SLA2: variants seen among roughly 807,000 people sequenced by gnomAD.
The protein encoded by SLA2 is Src like adaptor 2, also known as src-like-adapter 2.
SLA2 carries 22 observed loss-of-function variants against 27.3 expected under a neutral mutation model. The observed-to-expected ratio is 0.81, with a 90% CI of 0.58 to 1.15. The LOEUF (loss-of-function observed/expected upper bound fraction) is 1.15, where lower values mean the gene tolerates loss of function less well. SLA2 is among the 50% of genes most tolerant of loss of function. The probability of loss-of-function intolerance (pLI) is 0.00; values close to 1 mark genes in which losing one functional copy is unlikely to be tolerated. For synonymous variants in SLA2, 131 were observed against 137.8 expected (o/e 0.95, Z 0.34); for missense variants, 304 against 322.2 (o/e 0.94, Z 0.43).
intron 5 of SLA2, among the ~76,000 whole-genome samples, chr20:36,627,536 G>T (rs2039351536): frequency 6.6e-6 from 1 of 152,216 alleles, no homozygotes. Context: ...ACTGACAGTG[G>T]ACAGAGGTGA....
At chr20:36,614,116 A>G (rs2039176437) in intron 7 of SLA2, 130 bp from the exon 8 acceptor site, 7 of 1,478,306 alleles carry the variant, frequency 4.7e-6, no homozygotes, top group Non-Finnish European at 6.5e-6. Context: ...CCTGTTCCCT[A>G]TCAGATCAGC....
At position 36,613,806 on chromosome 20, in the gene SLA2, A is replaced by G; in HGVS notation, c.*60T>C. On this transcript the variant is annotated 3_prime_UTR_variant, in exon 8 of 8. Coordinates refer to ENST00000262866, the MANE Select transcript of SLA2 (RefSeq NM_032214.4). Reference sequence around the variant, plus strand: ...CAGCCTTGCCTCTGGGGTGCCCAGGAGGCTGAATTGGGGTTCTAGGTGTGC... The same window carrying G: ...CAGCCTTGCCTCTGGGGTGCCCAGGGGGCTGAATTGGGGTTCTAGGTGTGC... The G allele has an allele frequency of 4.4e-6, 5 of 1,134,300 alleles. No homozygotes were observed. The highest frequency in any genetic ancestry group is 2.7e-5 in the South Asian group (2 of 73,106). 70.3% of individuals were successfully genotyped at this position (1,134,300 alleles called of 1,614,324 possible).
intron 2 of SLA2, among the ~76,000 whole-genome samples, chr20:36,636,654 G>A (rs1195717109): frequency 9.6e-5 from 12 of 124,744 alleles, no homozygotes; most frequent in Non-Finnish European, 1.6e-4. Flanking sequence ...ATATATATAT[G>A]GTTGCAAGAC....
chr20:36,621,001 G>C (rs1006265359), intron 5 of SLA2: 8 of 364,826 alleles, frequency 2.2e-5, no homozygotes, highest in South Asian at 7.3e-5. Context: ...AGGAAACTTT[G>C]GAGGTAGTAG....
chr20:36,614,604 G>A (rs939049945), intron 6 of SLA2, 167 bp from the exon 7 acceptor site: 2 of 985,262 alleles, frequency 2.0e-6, no homozygotes, highest in African/African-American at 3.5e-5. Context: ...TGTAGTCAAA[G>A]GTCTTTCTGG....
At chr20:36,618,663 T>C (rs2039242737) in intron 5 of SLA2, among the ~76,000 whole-genome samples, 1 of 151,766 alleles carries the variant, frequency 6.6e-6, no homozygotes, top group Non-Finnish European at 1.5e-5. Context: ...CCCAGCACTT[T>C]GGGAGGCAGA....
rs201706345 is a variant in SLA2, at chr20:36,613,999, G to A, written c.666-13C>T. On this transcript the variant is annotated splice_polypyrimidine_tract_variant and intron_variant, in intron 7 of 7. Transcript: ENST00000262866. ...AAACAGGAGGGAGCTGTGGACAAAG[G>A]AAGATAATTGGGTCAAGAAGCCTCT... 1.2e-6 allele frequency: 2 copies of A among 1,613,062 alleles called. No homozygotes were observed. The highest frequency in any genetic ancestry group is 1.7e-6 in the Non-Finnish European group (2 of 1,179,750).
chr20:36,615,897 A>C (rs1285552252), intron 5 of SLA2, among the ~76,000 whole-genome samples: 1 of 152,216 alleles, frequency 6.6e-6, no homozygotes, highest in East Asian at 1.9e-4. Context: ...AAAAGTCAAA[A>C]ACGGCAAACA....
intron 2 of SLA2, among the ~76,000 whole-genome samples, chr20:36,638,792 C>T (rs748782121): frequency 6.6e-6 from 1 of 152,222 alleles, no homozygotes; most frequent in Non-Finnish European, 1.5e-5. Flanking sequence ...GGCTAGGCCA[C>T]ACAACCCAGA....
Position 36,614,034 on chromosome 20 carries a change from C to T in SLA2, c.666-48G>A, listed in dbSNP as rs2039174884. The T allele has an allele frequency of 3.1e-6, 5 of 1,606,016 alleles. No homozygotes were observed. In the African/African-American group the frequency reaches 5.4e-5, roughly 17 times the overall value. Reference sequence around the variant, plus strand: ...GGGTCAAGAAGCCTCTTCCTCCTCCCTGTACTCACTACACACAAAATTGCA... The same window carrying T: ...GGGTCAAGAAGCCTCTTCCTCCTCCTTGTACTCACTACACACAAAATTGCA... On this transcript the variant is annotated intron_variant, in intron 7 of 7. Coordinates refer to ENST00000262866, the MANE Select transcript of SLA2 (RefSeq NM_032214.4).
rs779681071 is a variant in SLA2 at position 36,632,662 on chromosome 20, C to T, written c.315G>A (p.Glu105=). 2 of 1,614,208 alleles carry T rather than the reference C, an allele frequency of 1.2e-6. No individual in the cohort carries two copies. The change falls in exon 5 of 8, where the codon GAG becomes GAA. Residue 105 remains glutamate (E), a synonymous_variant. Coordinates refer to ENST00000262866, the MANE Select transcript of SLA2 (RefSeq NM_032214.4). ...LYEGLSREKA[E]ELLLLPGNPG... is the part of the protein sequence containing the mutation. ...GGTTCCCAGGTAACAACAGCAGTTC[C>T]TCTGCTTTCTCCCTGCTCAGGCCCT...
At chr20:36,615,469 G>A in intron 5 of SLA2, 95 bp from the exon 6 acceptor site, 1 of 1,466,110 alleles carries the variant, frequency 6.8e-7, no homozygotes, top group Non-Finnish European at 9.4e-7. Context: ...TGACCATGGG[G>A]CCCCGGCAGA....
intron 5 of SLA2, among the ~76,000 whole-genome samples, chr20:36,619,243 AG>A (rs1183006962): frequency 1.3e-4 from 18 of 143,742 alleles, no homozygotes; most frequent in African/African-American, 4.2e-4. Context: ...AAAAAAAAAA[AG>A]GCTGGGTGCG....
At chr20:36,614,026 C>T (rs1255229549) in intron 7 of SLA2, 40 bp from the exon 8 acceptor site, 3 of 1,610,106 alleles carry the variant, frequency 1.9e-6, no homozygotes, top group Non-Finnish European at 1.7e-6. Flanking sequence ...GAAGCCTCTT[C>T]CTCCTCCCTG....
At chr20:36,632,771 A>G in intron 4 of SLA2, 73 bp from the exon 5 acceptor site, 1 of 1,178,256 alleles carries the variant, frequency 8.5e-7, no homozygotes, top group Non-Finnish European at 1.2e-6. Context: ...TTTTACCACC[A>G]CCGCTGAGTG....
chr20:36,617,806 G>A (rs1332710366), intron 5 of SLA2, among the ~76,000 whole-genome samples: 12 of 150,758 alleles, frequency 8.0e-5, no homozygotes, highest in Admixed American at 2.0e-4. Flanking sequence ...GCAGTGAGCC[G>A]AGATCAGCCA....
chr20:36,614,470 G>T, intron 6 of SLA2, 33 bp from the exon 7 acceptor site: 1 of 1,570,986 alleles, frequency 6.4e-7, no homozygotes, highest in South Asian at 1.2e-5. Flanking sequence ...TGACATGACT[G>T]ACTCCACCCT....
intron 2 of SLA2, among the ~76,000 whole-genome samples, chr20:36,639,677 C>A (rs1023803502): frequency 2.6e-5 from 4 of 151,360 alleles, no homozygotes; most frequent in African/African-American, 9.7e-5. Flanking sequence ...CACAGTGAAA[C>A]CCTGTCTCTA....
chr20:36,644,252 C>A (rs943576871), intron 1 of SLA2, among the ~76,000 whole-genome samples: 1 of 152,028 alleles, frequency 6.6e-6, no homozygotes, highest in Non-Finnish European at 1.5e-5. Flanking sequence ...TTTACAAACC[C>A]AAGACCAGGA....
Sources: allele counts gnomAD v4.1 joint callset (sites outside exome capture counted in the v4.1 genomes callset), GRCh38; gene constraint gnomAD v4.1.1; transcripts MANE v1.5; gene names NCBI Gene and HGNC (gene_info 2026-07-23, HGNC 2026-07-21).